RTN1: variants seen among roughly 807,000 people sequenced by gnomAD.
RTN1 encodes the protein reticulon 1.
In RTN1, 25 loss-of-function variants were observed where a neutral mutation model predicts 65.5. The ratio of observed to expected loss-of-function variants is 0.38; its 90% CI spans 0.28 to 0.53. The LOEUF is 0.53. RTN1 is among the 20% of genes least tolerant of loss of function. RTN1 has a pLI of 0.79. For synonymous variants in RTN1, 471 were observed against 447.6 expected (o/e 1.05, Z -0.66); for missense variants, 983 against 1,025.4 (o/e 0.96, Z 0.57).
At chr14:59,765,920 C>A (rs1384213597) in intron 1 of RTN1, among the ~76,000 whole-genome samples, 1 of 152,116 alleles carries the variant, frequency 6.6e-6, no homozygotes, top group African/African-American at 2.4e-5. Flanking sequence ...AAGTCAGTTG[C>A]ATTTGATGCT....
rs761356141 is a variant in RTN1, at chr14:59,727,285, T to A, written c.1399A>T (p.Ile467Phe). 1.3e-6 allele frequency: 2 copies of A among 1,502,228 alleles called. No individual in the cohort carries two copies. Among genetic ancestry groups the A allele is most frequent in the African/African-American group, 2.8e-5 (2 of 72,082 alleles). 93.1% of individuals were successfully genotyped at this position (1,502,228 alleles called of 1,614,324 possible). ...GAGGAGGCGTCGCACGACTCGATGA[T>A]GAGCTCGCTGTCCAGCTCGGCCTCG... ...EREAELDSEL[I>F]IESCDASSAS... Residue 467 changes from isoleucine (I) to phenylalanine (F), a missense_variant, in exon 3 of 9, where the codon ATC (isoleucine) becomes TTC (phenylalanine). Ile to Phe is a conservative substitution (Grantham distance 21, BLOSUM62 0). Transcript: ENST00000267484. This position sits in a 1 kb window ranked among gnomAD's most constrained non-coding sequence, Gnocchi z 4.2.
intron 1 of RTN1, among the ~76,000 whole-genome samples, chr14:59,771,507 A>C (rs542472635): frequency 6.6e-6 from 1 of 152,334 alleles, no homozygotes; most frequent in South Asian, 2.1e-4. Flanking sequence ...TGCCTAAATT[A>C]AGTCTTATCA....
In RTN1 at chr14:59,801,956, T is replaced by C. The variant is rs527237217; in HGVS notation, c.242-55475A>G. 2.0e-5 allele frequency among the ~76,000 whole-genome samples: 3 copies of C among 152,148 alleles called. No individual in the cohort carries two copies. The South Asian group carries it at 6.2e-4, about 32-fold the overall frequency. The stretch of plus-strand genomic sequence containing the variant: ...CAAAATTCATCACACTTCTCAGACA[T>C]ATTAATATGTCTTTCCACCTTATTA... On this transcript the variant is annotated intron_variant, in intron 1 of 8. Coordinates refer to ENST00000267484, the MANE Select transcript of RTN1 (RefSeq NM_021136.3).
intron 1 of RTN1, among the ~76,000 whole-genome samples, chr14:59,843,309 G>A (rs572359177): frequency 5.3e-5 from 8 of 152,302 alleles, no homozygotes; most frequent in African/African-American, 1.9e-4. Flanking sequence ...TCTGGGAATG[G>A]GAGATTGACT....
chr14:59,696,465 T>C (rs2139443316), intron 3 of RTN1, among the ~76,000 whole-genome samples: 1 of 98,444 alleles, frequency 1.0e-5, no homozygotes, highest in South Asian at 4.1e-4. Context: ...AGGATTTTAA[T>C]TACTTTTTTT....
chr14:59,735,467 AT>A (rs967036070), intron 2 of RTN1, among the ~76,000 whole-genome samples: 2 of 152,210 alleles, frequency 1.3e-5, no homozygotes, highest in African/African-American at 4.8e-5. Flanking sequence ...ACCAAGACCC[AT>A]TAGTATGCTG....
Position 59,596,589 on chromosome 14 carries a change from G to A in RTN1, c.*156C>T, listed in dbSNP as rs10148755. ...TGACTCAAATATCCTAAGAGTACAA[G>A]GAACAGCCTAAAAACAGCTGTTTTA... On this transcript the variant is annotated 3_prime_UTR_variant, in exon 9 of 9. Transcript: ENST00000267484. The A allele has an allele frequency of 7.0e-5, 45 of 646,832 alleles. No homozygotes were observed. The African/African-American group carries it at 7.6e-4, about 11-fold the overall frequency. 40.1% of individuals were successfully genotyped at this position (646,832 alleles called of 1,614,324 possible). A position where few individuals can be genotyped will look rare whatever the true frequency, so the allele number is the denominator to read the frequency against.
At position 59,727,744 on chromosome 14, in the gene RTN1, A is replaced by G. The variant is rs1251268112; in HGVS notation, c.1016-76T>C. The G allele has an allele frequency of 3.4e-6, 5 of 1,485,592 alleles. No individual in the cohort carries two copies. The East Asian group carries it at 9.3e-5, about 27-fold the overall frequency. The allele number at this position is 1,485,592 out of a possible 1,614,324, so 92.0% of individuals were successfully genotyped here. Reference sequence around the variant, plus strand: ...ACAGATGGACAGAGAGAGGAGGGATAAAACAAAATTCCATTAGGCGAGATG... The same window carrying G: ...ACAGATGGACAGAGAGAGGAGGGATGAAACAAAATTCCATTAGGCGAGATG... On this transcript the variant is annotated intron_variant, in intron 2 of 8. Coordinates refer to ENST00000267484, the MANE Select transcript of RTN1 (RefSeq NM_021136.3). The surrounding 1 kb of genome is among the most constrained non-coding windows in gnomAD (Gnocchi z 4.2).
chr14:59,668,547 G>A (rs1441826649), intron 3 of RTN1, among the ~76,000 whole-genome samples: 1 of 152,112 alleles, frequency 6.6e-6, no homozygotes, highest in African/African-American at 2.4e-5. Context: ...GCATGGGCAA[G>A]GACTTCATGC....
intron 8 of RTN1, among the ~76,000 whole-genome samples, chr14:59,598,071 T>C (rs77289334): frequency 0.06 from 9,135 of 151,696 alleles, 353 homozygotes; most frequent in Non-Finnish European, 0.087. Context: ...TGATGGTGGC[T>C]GTGTAAAAAA....
intron 3 of RTN1, chr14:59,610,082 TA>T: frequency 3.9e-6 from 3 of 773,502 alleles, no homozygotes; most frequent in Non-Finnish European, 7.2e-6. Context: ...TAGAATTTGC[TA>T]TTTTCAAGTG....
chr14:59,630,898 G>C (rs1882538550), intron 3 of RTN1: 2 of 956,928 alleles, frequency 2.1e-6, no homozygotes, highest in Non-Finnish European at 2.5e-6. Flanking sequence ...GAGAGGAGGA[G>C]GACTTGGGCT....
intron 1 of RTN1, among the ~76,000 whole-genome samples, chr14:59,808,771 G>A (rs534544523): frequency 3.3e-5 from 5 of 152,214 alleles, no homozygotes; most frequent in Admixed American, 6.5e-5. Flanking sequence ...TAGTAAATGA[G>A]TTCTCATGCA....
At chr14:59,818,955 T>G (rs1886872344) in intron 1 of RTN1, among the ~76,000 whole-genome samples, 1 of 152,196 alleles carries the variant, frequency 6.6e-6, no homozygotes, top group African/African-American at 2.4e-5. Flanking sequence ...TTAAAGCTCT[T>G]AAAGGCAGCG....
rs1594758918 is a variant in RTN1, at chr14:59,829,925, G to A, written c.241+40465C>T. On this transcript the variant is annotated intron_variant, in intron 1 of 8. Transcript: ENST00000267484. The surrounding 1 kb of genome is among the most constrained non-coding windows in gnomAD (Gnocchi z 4.3). Reference sequence around the variant, plus strand: ...TAGCATTCATGAATATTGTACCCAAGGACACAAACTGTATGCTGAGTCATT... The same window carrying A: ...TAGCATTCATGAATATTGTACCCAAAGACACAAACTGTATGCTGAGTCATT... 6.6e-6 allele frequency among the ~76,000 whole-genome samples: 1 copy of A among 152,106 alleles called. No individual in the cohort carries two copies. The highest frequency in any genetic ancestry group is 2.4e-5 in the African/African-American group (1 of 41,418).
At chr14:59,630,371 G>T in intron 3 of RTN1, 1 of 1,589,530 alleles carries the variant, frequency 6.3e-7, no homozygotes, top group Non-Finnish European at 8.6e-7. Context: ...CAGGTGAAAT[G>T]ATGCACAATG....
At chr14:59,690,225 A>C (rs1883932325) in intron 3 of RTN1, among the ~76,000 whole-genome samples, 1 of 152,118 alleles carries the variant, frequency 6.6e-6, no homozygotes, top group Non-Finnish European at 1.5e-5. Context: ...GACCCATCTC[A>C]CACATAATGA....
intron 2 of RTN1, among the ~76,000 whole-genome samples, chr14:59,733,079 C>CTTTT (rs5809048): frequency 3.4e-5 from 5 of 145,838 alleles, no homozygotes; most frequent in Admixed American, 6.8e-5. Context: ...GGTCAGACTG[C>CTTTT]TTTTTTTTTT....
intron 3 of RTN1, among the ~76,000 whole-genome samples, chr14:59,669,047 C>T (rs968939789): frequency 2.3e-4 from 35 of 151,960 alleles, no homozygotes; most frequent in African/African-American, 8.2e-4. Context: ...GACAGTGTGG[C>T]GATTCCTCAA....
Sources: allele counts gnomAD v4.1 joint callset (sites outside exome capture counted in the v4.1 genomes callset), GRCh38; gene constraint gnomAD v4.1.1; non-coding constraint Gnocchi (gnomAD v3.1); transcripts MANE v1.5; gene names NCBI Gene and HGNC (gene_info 2026-07-23, HGNC 2026-07-21).